Variants in ACOT7 observed in about 807,000 individuals in gnomAD.
ACOT7 encodes the protein cytosolic acyl coenzyme A thioester hydrolase.
Under a neutral mutation model 40.2 loss-of-function variants are expected in ACOT7, and 12 were observed. The observed-to-expected ratio is 0.30, with a 90% confidence interval of 0.19 to 0.48. The LOEUF (loss-of-function observed/expected upper bound fraction) is 0.48, where lower values mean the gene tolerates loss of function less well. Among genes scored for constraint, ACOT7 ranks in the 20% least tolerant of loss-of-function variants. The pLI is 0.99. For missense variants in ACOT7, 395 were observed against 530.8 expected (o/e 0.74, Z 2.51); for synonymous variants, 228 against 219.5 (o/e 1.04, Z -0.34).
intron 1 of ACOT7, among the ~76,000 whole-genome samples, chr1:6,384,673 C>T (rs1557676104): frequency 6.6e-6 from 1 of 151,714 alleles, no homozygotes; most frequent in East Asian, 1.9e-4. Flanking sequence ...CGCTAATCCT[C>T]CCTTGGCCTT....
chr1:6,386,736 G>A (rs570529119), intron 1 of ACOT7, among the ~76,000 whole-genome samples: 1 of 152,192 alleles, frequency 6.6e-6, no homozygotes, highest in East Asian at 1.9e-4. Context: ...GCGTGCACTC[G>A]TAGTCCCAGC....
intron 8 of ACOT7, among the ~76,000 whole-genome samples, chr1:6,269,175 G>A (rs888207237): frequency 1.4e-4 from 21 of 152,234 alleles, no homozygotes; most frequent in African/African-American, 2.9e-4. Flanking sequence ...GTGACACAGC[G>A]GGTAAGGGGA....
intron 1 of ACOT7, among the ~76,000 whole-genome samples, chr1:6,370,532 T>C (rs12409404): frequency 0.076 from 11,439 of 150,374 alleles, 487 homozygotes; most frequent in Non-Finnish European, 0.091. Flanking sequence ...TTCTGTCACC[T>C]GGCCTGGAGT....
rs1640333809 is a variant in ACOT7 at position 6,311,608 on chromosome 1, C to T, written c.712+6884G>A. Among the ~76,000 whole-genome samples, 1 of 152,172 alleles carries T rather than the reference C, an allele frequency of 6.6e-6. No individual in the cohort carries two copies. On this transcript the variant is annotated intron_variant, in intron 6 of 8. Coordinates refer to ENST00000361521, the MANE Select transcript of ACOT7 (RefSeq NM_007274.4). This position sits in a 1 kb window ranked among gnomAD's most constrained non-coding sequence, Gnocchi z 5.2. Reference sequence around the variant, plus strand: ...ATTCAGGGAGGATCACAGTAACTAACTGTAGGAATGAGGTTCTTCTTCCGG... The same window carrying T: ...ATTCAGGGAGGATCACAGTAACTAATTGTAGGAATGAGGTTCTTCTTCCGG...
At chr1:6,393,184 G>C (rs1351252681) in intron 1 of ACOT7, 73 bp downstream of exon 1, 1 of 1,208,948 alleles carries the variant, frequency 8.3e-7, no homozygotes, top group Non-Finnish European at 1.0e-6. Context: ...GGACCACAGA[G>C]CCAAGCGGGG....
intron 4 of ACOT7, among the ~76,000 whole-genome samples, chr1:6,331,203 T>G (rs1640943581): frequency 6.6e-6 from 1 of 152,210 alleles, no homozygotes; most frequent in Admixed American, 6.5e-5. Context: ...TGCAGTGGGT[T>G]GAACAGCATC....
rs888670267 is a variant in ACOT7 at position 6,359,835 on chromosome 1, G to C, written c.144-9969C>G. On this transcript the variant is annotated intron_variant, in intron 1 of 8. Transcript: ENST00000361521. The surrounding 1 kb of genome is among the most constrained non-coding windows in gnomAD (Gnocchi z 4.1). ...GTGCAGGCCGCACAGCCTCAACCAGGCTGCACCCGCCGGCCTCTGGGCAAG... is the reference window on the plus strand; with the variant it reads ...GTGCAGGCCGCACAGCCTCAACCAGCCTGCACCCGCCGGCCTCTGGGCAAG... Among the ~76,000 whole-genome samples, 15 of 152,308 alleles carry C rather than the reference G, an allele frequency of 9.8e-5. No homozygotes were observed. Among genetic ancestry groups the C allele is most frequent in the Non-Finnish European group, 1.6e-4 (11 of 68,038 alleles).
At chr1:6,313,607 A>C (rs1640402480) in intron 6 of ACOT7, among the ~76,000 whole-genome samples, 1 of 152,164 alleles carries the variant, frequency 6.6e-6, no homozygotes, top group African/African-American at 2.4e-5. Context: ...CCACATGAGG[A>C]CATTGTGGCC....
chr1:6,300,451 G>A (rs1340634504), intron 6 of ACOT7, among the ~76,000 whole-genome samples: 1 of 152,168 alleles, frequency 6.6e-6, no homozygotes, highest in Non-Finnish European at 1.5e-5. Context: ...ATGACTCACA[G>A]CTGGCCCCTC....
chr1:6,372,050 A>C (rs1356441914), intron 1 of ACOT7, among the ~76,000 whole-genome samples: 1 of 151,942 alleles, frequency 6.6e-6, no homozygotes, highest in Non-Finnish European at 1.5e-5. Context: ...GTGTCAAAAA[A>C]AAAAAAAAGA....
intron 1 of ACOT7, among the ~76,000 whole-genome samples, chr1:6,367,468 C>T (rs1339744901): frequency 6.6e-6 from 1 of 152,162 alleles, no homozygotes. Context: ...TGTGGAGCAG[C>T]GAGCAGTGTG....
intron 8 of ACOT7, among the ~76,000 whole-genome samples, chr1:6,279,403 G>A (rs1639290207): frequency 6.6e-6 from 1 of 152,210 alleles, no homozygotes; most frequent in Non-Finnish European, 1.5e-5. Flanking sequence ...GCCCTGATGG[G>A]GCAGGAGGGT....
At chr1:6,296,819 G>A (rs995195670) in intron 6 of ACOT7, among the ~76,000 whole-genome samples, 2 of 152,032 alleles carry the variant, frequency 1.3e-5, no homozygotes, top group African/African-American at 4.8e-5. Context: ...TGATCCTCCT[G>A]CTTCAGCCTC....
Position 6,339,427 on chromosome 1 carries a change from A to C in ACOT7, c.418+6T>G. On this transcript the variant is annotated splice_donor_region_variant and intron_variant, in intron 3 of 8. Transcript: ENST00000361521. The stretch of plus-strand genomic sequence containing the variant: ...CTCCAGTCAACACTGTCGCTCCCAG[A>C]AGTACCTGTGAGGATGTTTTCGGAC... 1 of 1,612,708 alleles carries C rather than the reference A, an allele frequency of 6.2e-7. No individual in the cohort carries two copies.
chr1:6,313,610 T>C (rs913737820), intron 6 of ACOT7, among the ~76,000 whole-genome samples: 3 of 152,160 alleles, frequency 2.0e-5, no homozygotes, highest in African/African-American at 2.4e-5. Context: ...CATGAGGACA[T>C]TGTGGCCAAA....
chr1:6,303,422 TTG>T (rs1466112673), intron 6 of ACOT7, among the ~76,000 whole-genome samples: 1 of 152,166 alleles, frequency 6.6e-6, no homozygotes, highest in East Asian at 1.9e-4. Context: ...GGTTTTTGTT[TTG>T]TGTTTTTTTG....
chr1:6,299,644 G>C lies in ACOT7; in HGVS notation c.713-4664C>G, dbSNP rs901634331. ...CTAGGTACTAGGTCATGGCTTCAGAGAGAGAGAGAGAGAGAGCGCAAGTGT... is the reference window on the plus strand; with the variant it reads ...CTAGGTACTAGGTCATGGCTTCAGACAGAGAGAGAGAGAGAGCGCAAGTGT... On this transcript the variant is annotated intron_variant, in intron 6 of 8. Coordinates refer to ENST00000361521, the MANE Select transcript of ACOT7 (RefSeq NM_007274.4). This position sits in a 1 kb window ranked among gnomAD's most constrained non-coding sequence, Gnocchi z 4.1. Among the ~76,000 whole-genome samples, 25 of 147,374 alleles carry C rather than the reference G, an allele frequency of 1.7e-4. No individual in the cohort carries two copies. Among genetic ancestry groups the C allele is most frequent in the Admixed American group, 4.7e-4 (7 of 15,006 alleles).
chr1:6,342,512 T>C (rs1641304461), intron 2 of ACOT7, among the ~76,000 whole-genome samples: 1 of 152,236 alleles, frequency 6.6e-6, no homozygotes, highest in Admixed American at 6.5e-5. Flanking sequence ...AGGAATGCAA[T>C]GGCTATTCAC....
At chr1:6,270,819 A>C (rs1167761271) in intron 8 of ACOT7, among the ~76,000 whole-genome samples, 1 of 152,158 alleles carries the variant, frequency 6.6e-6, no homozygotes, top group African/African-American at 2.4e-5. Context: ...CAGCCTGGGA[A>C]CTGCTCCAAG....
Sources: allele counts gnomAD v4.1 joint callset (sites outside exome capture counted in the v4.1 genomes callset), GRCh38; gene constraint gnomAD v4.1.1; non-coding constraint Gnocchi (gnomAD v3.1); transcripts MANE v1.5; gene names NCBI Gene and HGNC (gene_info 2026-07-23, HGNC 2026-07-21).